Variants in ROBO2 observed in about 807,000 individuals in gnomAD.
The protein encoded by ROBO2 is roundabout guidance receptor 2.
Under a neutral mutation model 160.8 loss-of-function variants are expected in ROBO2, and 53 were observed. That is an observed-to-expected ratio of 0.33 (90% CI 0.26 to 0.41). The LOEUF (loss-of-function observed/expected upper bound fraction) is 0.41. Ranked by LOEUF, ROBO2 falls within the 10% of genes least tolerant of loss-of-function variation. The probability of loss-of-function intolerance (pLI) is 1.00; values close to 1 mark genes in which losing one functional copy is unlikely to be tolerated. For synonymous variants in ROBO2, 664 were observed against 611.7 expected (o/e 1.09, Z -1.26); for missense variants, 1,577 against 1,722.4 (o/e 0.92, Z 1.49).
chr3:77,165,919 C>T (rs901687009), intron 2 of ROBO2, among the ~76,000 whole-genome samples: 1 of 152,114 alleles, frequency 6.6e-6, no homozygotes, highest in African/African-American at 2.4e-5. Context: ...TAAAGAGTAG[C>T]AAGCATTACC....
chr3:76,564,711 G>C (rs1360320186), intron 2 of ROBO2, among the ~76,000 whole-genome samples: 1 of 152,128 alleles, frequency 6.6e-6, no homozygotes, highest in Non-Finnish European at 1.5e-5. Context: ...ACACAGGTGG[G>C]GACAGGCCAG....
At chr3:77,295,785 T>G (rs867346928) in intron 2 of ROBO2, among the ~76,000 whole-genome samples, 291 of 102,364 alleles carry the variant, frequency 2.8e-3, no homozygotes, top group African/African-American at 4.2e-3. Context: ...AAAATTGATG[T>G]TTAAATGGGT....
chr3:76,860,146 C>A (rs556440055), intron 2 of ROBO2, among the ~76,000 whole-genome samples: 1 of 152,096 alleles, frequency 6.6e-6, no homozygotes, highest in South Asian at 2.1e-4. Context: ...TGAGAGTGGC[C>A]AAGTGATTTA....
intron 2 of ROBO2, among the ~76,000 whole-genome samples, chr3:76,124,010 A>G (rs1410770910): frequency 1.3e-5 from 2 of 152,132 alleles, no homozygotes; most frequent in South Asian, 2.1e-4. Context: ...TGTTTAGTGA[A>G]GGAAAGTAAT....
At chr3:76,665,940 A>G (rs1372987734) in intron 2 of ROBO2, among the ~76,000 whole-genome samples, 2 of 139,750 alleles carry the variant, frequency 1.4e-5, no homozygotes, top group African/African-American at 5.2e-5. Flanking sequence ...TATACATATA[A>G]TATATTATAT....
At chr3:76,422,145 A>G (rs1171233586) in intron 2 of ROBO2, among the ~76,000 whole-genome samples, 1 of 152,204 alleles carries the variant, frequency 6.6e-6, no homozygotes, top group African/African-American at 2.4e-5. Flanking sequence ...TGGTGACATT[A>G]TAACCTAATA....
chr3:76,904,689 G>C (rs893131645), intron 2 of ROBO2, among the ~76,000 whole-genome samples: 1 of 152,112 alleles, frequency 6.6e-6, no homozygotes, highest in Non-Finnish European at 1.5e-5. Context: ...TTAATCTAAG[G>C]AGACATCTTA....
At chr3:76,881,257 A>C (rs2073311296) in intron 2 of ROBO2, among the ~76,000 whole-genome samples, 2 of 152,208 alleles carry the variant, frequency 1.3e-5, no homozygotes, top group Non-Finnish European at 2.9e-5. Flanking sequence ...CTAATCTCTG[A>C]CACATCTAAT....
At chr3:76,791,714 A>G (rs1430800433) in intron 2 of ROBO2, among the ~76,000 whole-genome samples, 2 of 151,782 alleles carry the variant, frequency 1.3e-5, no homozygotes, top group African/African-American at 4.8e-5. Flanking sequence ...AGAAAGTGAG[A>G]TGATATCTGG....
chr3:76,408,001 CCAAGA>C (rs765969298), intron 2 of ROBO2, among the ~76,000 whole-genome samples: 18 of 151,878 alleles, frequency 1.2e-4, no homozygotes, highest in East Asian at 9.7e-4. Flanking sequence ...TATGTGTGGC[CCAAGA>C]CAATTTTTCT....
At chr3:77,527,577 T>C (rs2091286684) in intron 6 of ROBO2, among the ~76,000 whole-genome samples, 163 bp downstream of exon 7, 2 of 151,596 alleles carry the variant, frequency 1.3e-5, no homozygotes, top group South Asian at 4.1e-4. Context: ...TTACTCACTT[T>C]GATAAACAAT....
chr3:76,401,705 A>T (rs2077826764), intron 2 of ROBO2, among the ~76,000 whole-genome samples: 2 of 151,426 alleles, frequency 1.3e-5, no homozygotes, highest in African/African-American at 4.8e-5. Context: ...TTTTACAGGT[A>T]AGGGAATAAA....
chr3:76,975,361 C>T (rs2059764550), intron 2 of ROBO2, among the ~76,000 whole-genome samples: 1 of 152,046 alleles, frequency 6.6e-6, no homozygotes, highest in Admixed American at 6.6e-5. Flanking sequence ...AAAAATTAGC[C>T]AGGCATGGTG....
chr3:76,544,928 G>A (rs944845420), intron 2 of ROBO2, among the ~76,000 whole-genome samples: 6 of 151,730 alleles, frequency 4.0e-5, no homozygotes, highest in Non-Finnish European at 4.4e-5. Flanking sequence ...TTTCTAGTTC[G>A]GACTCCTATA....
intron 2 of ROBO2, among the ~76,000 whole-genome samples, chr3:76,493,750 A>G (rs2079981166): frequency 6.6e-6 from 1 of 152,064 alleles, no homozygotes; most frequent in Admixed American, 6.6e-5. Context: ...CCCCTTTGCT[A>G]AGGAAAGTTT....
Position 76,349,241 on chromosome 3 carries a change from G to A in ROBO2, c.109+411639G>A, listed in dbSNP as rs577796688. Among the ~76,000 whole-genome samples the A allele has an allele frequency of 5.6e-4, 85 of 151,958 alleles. 5 individuals are homozygous for A. The South Asian group carries it at 0.017, about 30-fold the overall frequency. ...TGAAAATAAATATCAAAACAAAAAA[G>A]CACTAAAATGATAGCATATATAATT... is the stretch of plus-strand genomic sequence containing the variant. On this transcript the variant is annotated intron_variant, in intron 2 of 26. Coordinates refer to the ROBO2 transcript ENST00000487694.
At chr3:77,632,647 A>C (rs1204786727) in intron 23 of ROBO2, 48 of 1,534,628 alleles carry the variant, frequency 3.1e-5, no homozygotes, top group Non-Finnish European at 4.1e-5. Flanking sequence ...AACCAGCCTT[A>C]CAAGAACAGG....
chr3:75,911,929 G>A (rs1946612398), intron 1 of ROBO2, among the ~76,000 whole-genome samples: 1 of 152,124 alleles, frequency 6.6e-6, no homozygotes, highest in South Asian at 2.1e-4. Flanking sequence ...ACATTAAAAA[G>A]GCTGGATATT....
At chr3:76,289,827 T>C (rs1039441567) in intron 2 of ROBO2, among the ~76,000 whole-genome samples, 42 of 152,192 alleles carry the variant, frequency 2.8e-4, no homozygotes, top group African/African-American at 9.9e-4. Flanking sequence ...GTCTGGGTTC[T>C]CTAACTTGTT....
Sources: allele counts gnomAD v4.1 joint callset (sites outside exome capture counted in the v4.1 genomes callset), GRCh38; gene constraint gnomAD v4.1.1; transcripts MANE v1.5; gene names NCBI Gene and HGNC (gene_info 2026-07-23, HGNC 2026-07-21).